Variants in KLF12 observed in about 807,000 individuals in gnomAD.
KLF12 encodes Krueppel-like factor 12.
A neutral mutation model predicts 37.8 loss-of-function variants in KLF12; 9 were observed. The ratio of observed to expected loss-of-function variants is 0.24; its 90% CI spans 0.14 to 0.42. KLF12 has a LOEUF of 0.42. Among genes scored for constraint, KLF12 ranks in the 10% least tolerant of loss-of-function variants. The probability of loss-of-function intolerance (pLI) is 1.00; values close to 1 mark genes in which losing one functional copy is unlikely to be tolerated. For synonymous variants in KLF12, 208 were observed against 202.1 expected (o/e 1.03, Z -0.25); for missense variants, 411 against 516.0 (o/e 0.80, Z 1.97).
At chr13:74,029,361 T>A (rs547631924) in intron 1 of KLF12, among the ~76,000 whole-genome samples, 27 of 152,244 alleles carry the variant, frequency 1.8e-4, no homozygotes, top group African/African-American at 6.0e-4. Flanking sequence ...AATTTCACCA[T>A]GATTGGTCAA....
At chr13:73,811,552 C>T (rs1882942999) in intron 5 of KLF12, among the ~76,000 whole-genome samples, 1 of 152,054 alleles carries the variant, frequency 6.6e-6, no homozygotes, top group South Asian at 2.1e-4. Context: ...AATACTAATT[C>T]CACCAATAAT....
chr13:73,851,454 TG>T, intron 3 of KLF12, among the ~76,000 whole-genome samples: 2 of 152,306 alleles, frequency 1.3e-5, no homozygotes, highest in Middle Eastern at 6.8e-3. Context: ...ACTTTCTAGC[TG>T]AGTTAGATTG....
intron 3 of KLF12, among the ~76,000 whole-genome samples, chr13:73,916,982 A>G (rs1888878532): frequency 6.6e-6 from 1 of 152,190 alleles, no homozygotes; most frequent in Admixed American, 6.5e-5. Context: ...GAAGGTAGGG[A>G]CATGCACACT....
At chr13:73,873,417 T>C (rs1252600363) in intron 3 of KLF12, among the ~76,000 whole-genome samples, 2 of 152,174 alleles carry the variant, frequency 1.3e-5, no homozygotes, top group Non-Finnish European at 2.9e-5. Flanking sequence ...ATTCTCAAAA[T>C]CTGGTTCATC....
At chr13:74,195,265 G>T in the KLF12 span, among the ~76,000 whole-genome samples, 1 of 152,200 alleles carries the variant, frequency 6.6e-6, no homozygotes, top group Non-Finnish European at 1.5e-5. Flanking sequence ...AGTTATTAAA[G>T]ATGGTTTATA....
At chr13:74,034,344 C>T (rs1566511978) in intron 1 of KLF12, among the ~76,000 whole-genome samples, 1 of 152,190 alleles carries the variant, frequency 6.6e-6, no homozygotes, top group Non-Finnish European at 1.5e-5. Flanking sequence ...GCTGGGATTA[C>T]AGGCATGAGC....
intron 2 of KLF12, among the ~76,000 whole-genome samples, chr13:73,945,829 T>C (rs1217349106): frequency 6.6e-6 from 1 of 152,224 alleles, no homozygotes; most frequent in Admixed American, 6.5e-5. Flanking sequence ...TTGTCCCTTT[T>C]TTCAGAATTT....
At chr13:74,259,759 A>G in the KLF12 span, 1 of 152,084 alleles carries the variant, frequency 6.6e-6, no homozygotes, top group Non-Finnish European at 1.5e-5. Context: ...GATCCCCATG[A>G]TTAGGATGAG....
intron 1 of KLF12, among the ~76,000 whole-genome samples, chr13:74,047,596 C>G (rs1043210967): frequency 9.6e-5 from 5 of 51,940 alleles, no homozygotes; most frequent in African/African-American, 3.1e-4. Flanking sequence ...GACTCCATCT[C>G]AAATAAAAAA....
the KLF12 span, among the ~76,000 whole-genome samples, chr13:74,261,716 A>G: frequency 6.6e-6 from 1 of 152,360 alleles, no homozygotes; most frequent in East Asian, 1.9e-4. Context: ...AGGATACAGA[A>G]ATCTAGGTGT....
chr13:74,079,183 T>G (rs904993368), intron 1 of KLF12, among the ~76,000 whole-genome samples: 1 of 148,878 alleles, frequency 6.7e-6, no homozygotes, highest in Non-Finnish European at 1.5e-5. Flanking sequence ...CCTAAAGCAG[T>G]CAAATTCGTA....
the KLF12 span, chr13:74,258,548 T>A: frequency 6.6e-6 from 1 of 152,198 alleles, no homozygotes; most frequent in Non-Finnish European, 1.5e-5. Flanking sequence ...TTGCAAATTT[T>A]TGTAAACGCG....
chr13:73,790,041 G>A (rs1167533984), intron 5 of KLF12, among the ~76,000 whole-genome samples: 2 of 152,288 alleles, frequency 1.3e-5, no homozygotes, highest in East Asian at 3.9e-4. Flanking sequence ...ACTTTGTGCA[G>A]TTGTAGGGAT....
At chr13:74,061,476 T>C (rs768316527) in intron 1 of KLF12, among the ~76,000 whole-genome samples, 6 of 152,204 alleles carry the variant, frequency 3.9e-5, no homozygotes, top group Non-Finnish European at 8.8e-5. Context: ...ACGCCAGTTA[T>C]TGCACACAGT....
At chr13:73,983,673 T>C (rs921792434) in intron 2 of KLF12, among the ~76,000 whole-genome samples, 3 of 152,184 alleles carry the variant, frequency 2.0e-5, no homozygotes, top group Admixed American at 2.0e-4. Flanking sequence ...CTTTTCCTCA[T>C]ATTATGTTTT....
At chr13:73,893,724 G>A (rs1887623839) in intron 3 of KLF12, among the ~76,000 whole-genome samples, 1 of 152,036 alleles carries the variant, frequency 6.6e-6, no homozygotes, top group African/African-American at 2.4e-5. Context: ...GTTCTATACA[G>A]ATTTTTTTAA....
the KLF12 span, among the ~76,000 whole-genome samples, chr13:74,270,482 T>C: frequency 1.3e-5 from 2 of 152,148 alleles, no homozygotes; most frequent in Non-Finnish European, 2.9e-5. Context: ...ACTTCCCTGA[T>C]TGGTAATCAC....
At chr13:73,939,397 T>C (rs1890090269) in intron 3 of KLF12, among the ~76,000 whole-genome samples, 1 of 152,208 alleles carries the variant, frequency 6.6e-6, no homozygotes, top group Non-Finnish European at 1.5e-5. Context: ...CATGATTCTG[T>C]TTTTATTCTG....
rs528267335 is a variant in KLF12 at position 73,943,267 on chromosome 13, A to C, written c.123+714T>G. Among the ~76,000 whole-genome samples the C allele has an allele frequency of 1.2e-3, 188 of 152,318 alleles. 5 individuals are homozygous for C. Among genetic ancestry groups the C allele is most frequent in the Non-Finnish European group, 2.2e-4 (15 of 68,022 alleles). Reference sequence around the variant, plus strand: ...ATAAGTAGCCAACAGGCACTCAGCCACATGAGCAGCACTTTATCTCTTAAA... The same window carrying C: ...ATAAGTAGCCAACAGGCACTCAGCCCCATGAGCAGCACTTTATCTCTTAAA... On this transcript the variant is annotated intron_variant, in intron 3 of 7. Coordinates refer to ENST00000377669, the MANE Select transcript of KLF12 (RefSeq NM_007249.5).
Sources: allele counts gnomAD v4.1 joint callset (sites outside exome capture counted in the v4.1 genomes callset), GRCh38; gene constraint gnomAD v4.1.1; transcripts MANE v1.5; gene names NCBI Gene and HGNC (gene_info 2026-07-23, HGNC 2026-07-21).